The following GOLGA2 variants were observed in gnomAD, a reference collection of about 807,000 sequenced individuals.
The protein encoded by GOLGA2 is golgin subfamily A member 2.
GOLGA2 carries 49 observed loss-of-function variants against 148.8 expected under a neutral mutation model. The observed-to-expected ratio is 0.33, with a 90% CI of 0.26 to 0.42. The LOEUF is 0.42. GOLGA2 is among the 10% of genes least tolerant of loss of function. The pLI, the probability that GOLGA2 is intolerant of heterozygous loss-of-function variation, is 1.00. For missense variants in GOLGA2, 1,178 were observed against 1,304.6 expected, an observed-to-expected ratio of 0.90 and a Z score of 1.49; for synonymous variants, 501 against 511.8, an observed-to-expected ratio of 0.98 and a Z score of 0.28.
chr9:128,260,557 G>C lies in GOLGA2; in HGVS notation c.1666C>G (p.Gln556Glu). Residue 556 changes from glutamine (Q) to glutamate (E), a missense_variant, in exon 18 of 27, where the codon CAG becomes GAG. Physicochemically the swap from Gln to Glu is conservative, Grantham distance 29 (BLOSUM62 2). Around this residue, in one of 5 missense-constraint regions of GOLGA2, gnomAD observed 529 missense variants for 521.8 expected, o/e 1.01. Transcript: ENST00000611957. The surrounding 1 kb of genome is among the most constrained non-coding windows in gnomAD (Gnocchi z 4.8). ...CGGCTGATGGTAGTGCGGTCGTTCT[G>C]CATGGTCTCCAGGATTTGCCTGCGC... ...EARRQILETM[Q>E]NDRTTISRAL... 6.2e-7 allele frequency: 1 copy of C among 1,612,782 alleles called. No individual in the cohort carries two copies. The highest frequency in any genetic ancestry group is 1.1e-5 in the South Asian group (1 of 91,076).
chr9:128,263,164 ACAGTAAGTACTC>A, intron 12 of GOLGA2, 72 bp from the exon 13 acceptor site: 1 of 843,114 alleles, frequency 1.2e-6, no homozygotes, highest in Non-Finnish European at 2.1e-6. Flanking sequence ...AACAACAGCT[ACAGTAAGTACTC>A]CACAGTAACA....
At position 128,260,067 on chromosome 9, in the gene GOLGA2, C is replaced by T. The variant is rs759502737; in HGVS notation, c.1872+9G>A. 15 of 1,588,342 alleles carry T rather than the reference C, an allele frequency of 9.4e-6. No individual in the cohort carries two copies. Among genetic ancestry groups the T allele is most frequent in the South Asian group, 4.4e-5 (4 of 90,630 alleles). On this transcript the variant is annotated intron_variant, in intron 19 of 26. Transcript: ENST00000611957. This position sits in a 1 kb window ranked among gnomAD's most constrained non-coding sequence, Gnocchi z 4.8. ...GCCTCCCAGCCCTTCTTGGATGGGGCGGGGTTACCGTTTCCTTCAGCTCGC... is the reference window on the plus strand; with the variant it reads ...GCCTCCCAGCCCTTCTTGGATGGGGTGGGGTTACCGTTTCCTTCAGCTCGC...
At chr9:128,262,946 C>T in intron 13 of GOLGA2, 88 bp downstream of exon 13, 1 of 941,112 alleles carries the variant, frequency 1.1e-6, no homozygotes, top group Non-Finnish European at 1.7e-6. Flanking sequence ...ATGACTACCT[C>T]ATCATGCTTA....
At chr9:128,270,942 G>T (rs1025026373) in intron 3 of GOLGA2, among the ~76,000 whole-genome samples, 1 of 152,082 alleles carries the variant, frequency 6.6e-6, no homozygotes, top group African/African-American at 2.4e-5. Flanking sequence ...CCAGCTACTT[G>T]GGAGGCTGAG....
chr9:128,269,129 T>C (rs1830778653), intron 3 of GOLGA2, among the ~76,000 whole-genome samples: 1 of 152,122 alleles, frequency 6.6e-6, no homozygotes, highest in Non-Finnish European at 1.5e-5. Context: ...GCTCAGCTAA[T>C]TTCTATAGAA....
intron 1 of GOLGA2, among the ~76,000 whole-genome samples, chr9:128,274,334 C>T (rs1831164935): frequency 6.6e-6 from 1 of 152,096 alleles, no homozygotes; most frequent in Non-Finnish European, 1.5e-5. Flanking sequence ...GCACTAATTA[C>T]GGTTCCGAGG....
chr9:128,275,592 G>A (rs2131403912), intron 1 of GOLGA2: 1 of 1,001,768 alleles, frequency 1.0e-6, no homozygotes, highest in East Asian at 3.2e-5. Flanking sequence ...TAGGTCCTTG[G>A]AGACGCCAGC....
At position 128,261,041 on chromosome 9, in the gene GOLGA2, T is replaced by C. The variant is rs1735393628; in HGVS notation, c.1420+131A>G. 2.6e-6 allele frequency: 2 copies of C among 756,090 alleles called. No individual in the cohort carries two copies. The highest frequency in any genetic ancestry group is 4.7e-6 in the Non-Finnish European group (2 of 426,576). The allele number at this position is 756,090 out of a possible 1,614,324, so 46.8% of individuals were successfully genotyped here. On this transcript the variant is annotated intron_variant, in intron 17 of 26. Coordinates refer to ENST00000611957, the MANE Select transcript of GOLGA2 (RefSeq NM_001366244.2). This position sits in a 1 kb window ranked among gnomAD's most constrained non-coding sequence, Gnocchi z 5.7. The stretch of plus-strand genomic sequence containing the variant: ...CTCATGGAGATGACGAGACTTGCCA[T>C]CTCCTGGCACAGACCTCTTTCCCTC...
At chr9:128,273,644 A>C (rs767281409) in intron 2 of GOLGA2, 52 of 590,740 alleles carry the variant, frequency 8.8e-5, no homozygotes, top group Non-Finnish European at 1.4e-4. Flanking sequence ...CACAAGTGTA[A>C]GTAAAACAAT....
At position 128,263,033 on chromosome 9, in the gene GOLGA2, C is replaced by T. The variant is rs369092046; in HGVS notation, c.992+1G>A. 2 of 1,598,650 alleles carry T rather than the reference C, an allele frequency of 1.3e-6. No homozygotes were observed. The highest frequency in any genetic ancestry group is 8.6e-7 in the Non-Finnish European group (1 of 1,166,164). On this transcript the variant is annotated splice_donor_variant, in intron 13 of 26. Coordinates refer to ENST00000611957, the MANE Select transcript of GOLGA2 (RefSeq NM_001366244.2). LOFTEE classifies it high-confidence loss of function. ...TCCCATCCCACCATCCCCCATCCTA[C>T]GTGTTCTTGTATAACTCCAGCCTGA...
At chr9:128,268,341 A>G (rs1172458205) in intron 4 of GOLGA2, 79 bp downstream of exon 4, 5 of 1,057,862 alleles carry the variant, frequency 4.7e-6, no homozygotes, top group Non-Finnish European at 7.4e-6. Flanking sequence ...GACCCTAGGG[A>G]ACAAGCTGCC....
Position 128,259,060 on chromosome 9 carries a change from T to C in GOLGA2, c.2120A>G (p.Gln707Arg). ...CTGGGCCCGTAGCTGCTGATTCTGC[T>C]GGGTGGCAGCTTCCAGGCGCTCCTA... Reference protein sequence around the residue: ...ETQERLEAATQQNQQLRAQLS... With the variant: ...ETQERLEAATRQNQQLRAQLS... Residue 707 changes from glutamine (Q) to arginine (R), a missense_variant, in exon 21 of 27, where the codon CAG (glutamine) becomes CGG (arginine). Physicochemically the swap from Gln to Arg is conservative, Grantham distance 43. Around this residue, in one of 5 missense-constraint regions of GOLGA2, gnomAD observed 529 missense variants for 521.8 expected, o/e 1.01. Transcript: ENST00000611957. The C allele has an allele frequency of 1.2e-6, 2 of 1,612,046 alleles. No homozygotes were observed. The highest frequency in any genetic ancestry group is 1.7e-6 in the Non-Finnish European group (2 of 1,179,246).
chr9:128,261,418 C>T lies in GOLGA2; in HGVS notation c.1332+36G>A. The T allele has an allele frequency of 7.6e-7, 1 of 1,317,654 alleles. No homozygotes were observed. Among genetic ancestry groups the T allele is most frequent in the East Asian group, 2.3e-5 (1 of 43,530 alleles). 81.6% of individuals were successfully genotyped at this position (1,317,654 alleles called of 1,614,324 possible). On this transcript the variant is annotated intron_variant, in intron 16 of 26. Coordinates refer to ENST00000611957, the MANE Select transcript of GOLGA2 (RefSeq NM_001366244.2). This position sits in a 1 kb window ranked among gnomAD's most constrained non-coding sequence, Gnocchi z 5.7. ...TGCCCAGAAAGATCAAGTGACCTATCTAAGGTTGAGGGGGAGCTGAAGGGT... is the reference window on the plus strand; with the variant it reads ...TGCCCAGAAAGATCAAGTGACCTATTTAAGGTTGAGGGGGAGCTGAAGGGT...
chr9:128,258,787 G>C lies in GOLGA2; in HGVS notation c.2174-217C>G, dbSNP rs768961328. The C allele has an allele frequency of 1.6e-6, 1 of 616,740 alleles. No individual in the cohort carries two copies. Among genetic ancestry groups the C allele is most frequent in the Non-Finnish European group, 2.9e-6 (1 of 350,510 alleles). 38.2% of individuals were successfully genotyped at this position (616,740 alleles called of 1,614,324 possible). A position where few individuals can be genotyped will look rare whatever the true frequency, so the allele number is the denominator to read the frequency against. On this transcript the variant is annotated intron_variant, in intron 21 of 26. Transcript: ENST00000611957. This position sits in a 1 kb window ranked among gnomAD's most constrained non-coding sequence, Gnocchi z 6.6. ...CCGATCAGCATGGGAGTTCTGACCT[G>C]CTTCATTTCTGACCTGGGCCAGTTC...
At chr9:128,275,062 G>A (rs976498296) in intron 1 of GOLGA2, among the ~76,000 whole-genome samples, 1 of 152,172 alleles carries the variant, frequency 6.6e-6, no homozygotes, top group African/African-American at 2.4e-5. Flanking sequence ...AAGCCTGGGG[G>A]AAAACCAAAC....
At chr9:128,262,949 C>T (rs1424341952) in intron 13 of GOLGA2, 85 bp downstream of exon 13, 1 of 967,618 alleles carries the variant, frequency 1.0e-6, no homozygotes, top group South Asian at 1.3e-5. Context: ...ACTACCTCAT[C>T]ATGCTTACCT....
At position 128,258,110 on chromosome 9, in the gene GOLGA2, C is replaced by T. The variant is rs779503429; in HGVS notation, c.2378G>A (p.Arg793Gln). ...GQLKEQRVRC[R>Q]RLAHLLASAQ... ...CGAGGCCAGCAGGTGAGCCAGGCGC[C>T]GGCAGCGCACCCTTTGCTCCTTCAG... is the stretch of plus-strand genomic sequence containing the variant. The change falls in exon 23 of 27, where the codon CGG (arginine) becomes CAG (glutamine). Residue 793 changes from arginine (R) to glutamine (Q), a missense_variant. This residue lies in a region of GOLGA2 where 529 missense variants were observed against 521.8 expected (regional missense o/e 1.01). Transcript: ENST00000611957. The surrounding 1 kb of genome is among the most constrained non-coding windows in gnomAD (Gnocchi z 6.6). 1.3e-5 allele frequency: 21 copies of T among 1,609,256 alleles called. No individual in the cohort carries two copies. The highest frequency in any genetic ancestry group is 5.0e-5 in the Admixed American group (3 of 59,914).
Position 128,258,275 on chromosome 9 carries a change from C to T in GOLGA2, c.2290-77G>A. The T allele has an allele frequency of 1.6e-6, 2 of 1,235,166 alleles. No homozygotes were observed. The highest frequency in any genetic ancestry group is 2.5e-5 in the East Asian group (1 of 40,660). The allele number at this position is 1,235,166 out of a possible 1,614,324, so 76.5% of individuals were successfully genotyped here. A position where few individuals can be genotyped will look rare whatever the true frequency, so the allele number is the denominator to read the frequency against. On this transcript the variant is annotated intron_variant, in intron 22 of 26. Transcript: ENST00000611957. This position sits in a 1 kb window ranked among gnomAD's most constrained non-coding sequence, Gnocchi z 6.6. ...GCAGGGAGGTAGAGAGCAGCCCTTC[C>T]CTTGGGGCCTCAGAGGGTGCACTTG... is the stretch of plus-strand genomic sequence containing the variant.
intron 6 of GOLGA2, 35 bp from the exon 7 acceptor site, chr9:128,267,552 G>A (rs1830670055): frequency 1.3e-6 from 2 of 1,498,302 alleles, no homozygotes; most frequent in African/African-American, 1.4e-5. Flanking sequence ...GAGATGTTCT[G>A]TCCCCTCAGT....
Sources: allele counts gnomAD v4.1 joint callset (sites outside exome capture counted in the v4.1 genomes callset), GRCh38; gene constraint gnomAD v4.1.1; regional missense constraint gnomAD v4.1.1; non-coding constraint Gnocchi (gnomAD v3.1); transcripts MANE v1.5; gene names NCBI Gene and HGNC (gene_info 2026-07-23, HGNC 2026-07-21).